Variants in EXPH5 observed in about 807,000 individuals in gnomAD.
EXPH5 encodes the protein exophilin-5.
In EXPH5, 42 loss-of-function variants were observed where a neutral mutation model predicts 41.1. The ratio of observed to expected loss-of-function variants is 1.02; its 90% CI spans 0.80 to 1.32. EXPH5 has a LOEUF of 1.32. EXPH5 is among the 40% of genes most tolerant of loss of function. EXPH5 has a pLI of 0.00. For synonymous variants in EXPH5, 798 were observed against 833.5 expected (o/e 0.96, Z 0.73); for missense variants, 2,298 against 2,314.5 (o/e 0.99, Z 0.15).
intron 1 of EXPH5, among the ~76,000 whole-genome samples, chr11:108,559,343 G>C (rs957383129): frequency 6.6e-6 from 1 of 152,230 alleles, no homozygotes; most frequent in African/African-American, 2.4e-5. Flanking sequence ...TGTAGGACAA[G>C]GGTTAATGGC....
rs199517627 is a variant in EXPH5 at position 108,513,479 on chromosome 11, G to C, written c.2028C>G (p.Ser676Arg). 1.9e-6 allele frequency: 3 copies of C among 1,613,876 alleles called. No homozygotes were observed. The South Asian group carries it at 3.3e-5, about 18-fold the overall frequency. Residue 676 changes from serine to arginine, a missense_variant, in exon 6 of 6, where the codon AGC becomes AGG. Coordinates refer to ENST00000265843, the MANE Select transcript of EXPH5 (RefSeq NM_015065.3). ...GAGGCAGAGAGTCAACTGAATTGCT[G>C]CTGGTCACAGTGACTTCTGTATGGC... ...MRSHTEVTVT[S>R]SNSVDSLPLA...
chr11:108,513,640 G>C lies in EXPH5; in HGVS notation c.1867C>G (p.Leu623Val), dbSNP rs1199642890. 6.2e-7 allele frequency: 1 copy of C among 1,611,904 alleles called. No homozygotes were observed. Among genetic ancestry groups the C allele is most frequent in the Non-Finnish European group, 8.5e-7 (1 of 1,179,250 alleles). The change falls in exon 6 of 6, where the codon CTA becomes GTA. Residue 623 changes from leucine (L) to valine (V), a missense_variant. By Grantham distance (32) the Leu-to-Val change is conservative. Transcript: ENST00000265843. ...EASSFGIAQTLASSFKTSFSQ... is the reference protein window; with the variant it reads ...EASSFGIAQTVASSFKTSFSQ... ...AAGGAAGTTTTGAATGAGGATGCTA[G>C]AGTCTGAGCAATTCCAAATGAGGAA...
chr11:108,559,681 CT>C (rs759549242), intron 1 of EXPH5, among the ~76,000 whole-genome samples: 4 of 152,132 alleles, frequency 2.6e-5, no homozygotes, highest in Admixed American at 6.6e-5. Flanking sequence ...TGCAGAACAT[CT>C]TTTTTTCCCC....
intron 1 of EXPH5, among the ~76,000 whole-genome samples, chr11:108,544,326 A>T (rs2136039965): frequency 6.6e-6 from 1 of 152,140 alleles, no homozygotes; most frequent in Non-Finnish European, 1.5e-5. Context: ...AGTAGCTGGG[A>T]CCACCATCCC....
At chr11:108,556,499 G>C (rs1296061555) in intron 1 of EXPH5, among the ~76,000 whole-genome samples, 1 of 152,128 alleles carries the variant, frequency 6.6e-6, no homozygotes, top group Admixed American at 6.5e-5. Context: ...TTGAGATGGA[G>C]TCTTGCTCTG....
At chr11:108,525,212 G>C (rs1018678729) in intron 4 of EXPH5, among the ~76,000 whole-genome samples, 2 of 152,136 alleles carry the variant, frequency 1.3e-5, no homozygotes, top group Non-Finnish European at 2.9e-5. Context: ...AAATTACCCA[G>C]TCTTGGGTAT....
At position 108,512,261 on chromosome 11, in the gene EXPH5, G is replaced by C; in HGVS notation, c.3246C>G (p.Ser1082=). 6.2e-7 allele frequency: 1 copy of C among 1,612,502 alleles called. No homozygotes were observed. Among genetic ancestry groups the C allele is most frequent in the Non-Finnish European group, 8.5e-7 (1 of 1,179,516 alleles). ...PSSPESANEC[S]KVLSDSALEA... ...CCAGGGCTGAGTCTGAAAGGACTTTGGAACATTCATTCGCTGACTCAGGAG... is the reference window on the plus strand; with the variant it reads ...CCAGGGCTGAGTCTGAAAGGACTTTCGAACATTCATTCGCTGACTCAGGAG... The change falls in exon 6 of 6, where the codon TCC becomes TCG. Residue 1082 remains serine, a synonymous_variant. Transcript: ENST00000265843.
chr11:108,514,697 A>AG lies in EXPH5; in HGVS notation c.809dup (p.Ile271TyrfsTer3), dbSNP rs769015651. On this transcript the variant is annotated frameshift_variant, in exon 6 of 6. Transcript: ENST00000265843. LOFTEE classifies it low-confidence loss of function (END_TRUNC). Reference sequence around the variant, plus strand: ...TTCCTGGTCTTAGGATGTCATAGATAGACATATTGGAAGTTTCATTATAGT... The same window carrying AG: ...TTCCTGGTCTTAGGATGTCATAGATAGGACATATTGGAAGTTTCATTATAGT... 6.2e-7 allele frequency: 1 copy of AG among 1,605,272 alleles called. No homozygotes were observed. Among genetic ancestry groups the AG allele is most frequent in the Non-Finnish European group, 8.5e-7 (1 of 1,177,112 alleles).
At chr11:108,575,138 T>C (rs570799667) in intron 1 of EXPH5, among the ~76,000 whole-genome samples, 7 of 152,338 alleles carry the variant, frequency 4.6e-5, no homozygotes, top group Admixed American at 2.0e-4. Context: ...GAAATGTGAA[T>C]AGTAAACATA....
At chr11:108,558,633 T>C (rs1232905706) in intron 1 of EXPH5, among the ~76,000 whole-genome samples, 3 of 152,214 alleles carry the variant, frequency 2.0e-5, no homozygotes, top group Non-Finnish European at 2.9e-5. Context: ...CATTACATGA[T>C]TAAAATGAAA....
chr11:108,607,407 CA>C, the EXPH5 span, among the ~76,000 whole-genome samples: 7 of 152,068 alleles, frequency 4.6e-5, no homozygotes, highest in African/African-American at 7.2e-5. Context: ...AAATATCCTC[CA>C]AAAAATATTC....
chr11:108,596,745 C>T (rs2094139323), upstream of EXPH5, among the ~76,000 whole-genome samples: 1 of 152,186 alleles, frequency 6.6e-6, no homozygotes, highest in Non-Finnish European at 1.5e-5. Flanking sequence ...CTGAGGCATG[C>T]TTCAGCCCTG....
intron 1 of EXPH5, among the ~76,000 whole-genome samples, chr11:108,582,844 C>A (rs889252593): frequency 6.6e-6 from 1 of 152,182 alleles, no homozygotes; most frequent in Non-Finnish European, 1.5e-5. Flanking sequence ...AGCATTCTCC[C>A]TGCGTGCTTG....
chr11:108,553,114 G>A (rs1044739896), intron 1 of EXPH5, among the ~76,000 whole-genome samples: 1 of 151,966 alleles, frequency 6.6e-6, no homozygotes, highest in Non-Finnish European at 1.5e-5. Context: ...CAGGAGAATC[G>A]CTTGAACTGG....
At chr11:108,529,537 T>C (rs907458376) in intron 3 of EXPH5, among the ~76,000 whole-genome samples, 1 of 152,156 alleles carries the variant, frequency 6.6e-6, no homozygotes, top group Admixed American at 6.5e-5. Context: ...AGGGGTTCTC[T>C]GTCTGAATTC....
chr11:108,550,781 AAAATAAAT>A (rs997724496), intron 1 of EXPH5, among the ~76,000 whole-genome samples: 1 of 152,104 alleles, frequency 6.6e-6, no homozygotes, highest in African/African-American at 2.4e-5. Context: ...TTCGTCTCAA[AAAATAAAT>A]AAATAAATAA....
In EXPH5 at chr11:108,553,928, C is replaced by T. The variant is rs187025180; in HGVS notation, c.120-12116G>A. ...CTTGCCCTGGGCCAGGCACGTTACA[C>T]GTATTAACTAATTTAATCTTCACAA... On this transcript the variant is annotated intron_variant, in intron 1 of 5. Coordinates refer to ENST00000265843, the MANE Select transcript of EXPH5 (RefSeq NM_015065.3). 6.6e-5 allele frequency among the ~76,000 whole-genome samples: 10 copies of T among 152,264 alleles called. No individual in the cohort carries two copies. The East Asian group carries it at 9.6e-4, about 15-fold the overall frequency.
At position 108,593,768 on chromosome 11, in the gene EXPH5, G is replaced by C. The variant is rs998917398; in HGVS notation, c.-232C>G. ...AACCTGTCCAACCGAGATGCAAAGTGAACGGCTAAAGGGAGAGAGGGAACC... is the reference window on the plus strand; with the variant it reads ...AACCTGTCCAACCGAGATGCAAAGTCAACGGCTAAAGGGAGAGAGGGAACC... On this transcript the variant is annotated 5_prime_UTR_variant, in exon 1 of 6. Transcript: ENST00000265843. 3.3e-6 allele frequency: 5 copies of C among 1,535,620 alleles called. No homozygotes were observed. The highest frequency in any genetic ancestry group is 4.4e-6 in the Non-Finnish European group (5 of 1,146,732).
intron 4 of EXPH5, among the ~76,000 whole-genome samples, chr11:108,519,727 G>A (rs11212688): frequency 0.021 from 3,136 of 150,976 alleles, 90 homozygotes; most frequent in African/African-American, 0.069. Context: ...CAGCCTGGGC[G>A]ACAGAGTGAG....
Sources: gnomAD v4.1 joint callset for allele counts (sites outside exome capture counted in the v4.1 genomes callset) on GRCh38, gnomAD v4.1.1 for gene constraint, MANE v1.5 for transcripts, NCBI Gene and HGNC (gene_info 2026-07-23, HGNC 2026-07-21) for gene names.